Variants in PCDHGA6 observed in about 807,000 individuals in gnomAD.
PCDHGA6 encodes the protein protocadherin gamma subfamily A, 6.
A neutral mutation model predicts 60.6 loss-of-function variants in PCDHGA6; 41 were observed. The observed-to-expected ratio is 0.68, with a 90% CI of 0.53 to 0.88. PCDHGA6 has a LOEUF of 0.88. Among genes scored for constraint, PCDHGA6 ranks in the 40% least tolerant of loss-of-function variants. PCDHGA6 has a pLI of 0.00. For synonymous variants in PCDHGA6, 594 were observed against 524.4 expected (o/e 1.13, Z -1.81); for missense variants, 1,312 against 1,203.0 (o/e 1.09, Z -1.34).
chr5:141,422,907 G>C (rs1330364637), intron 1 of PCDHGA6: 4 of 1,614,078 alleles, frequency 2.5e-6, no homozygotes, highest in Non-Finnish European at 3.4e-6. Flanking sequence ...ACGACAATGC[G>C]CCCGAGATCC....
At chr5:141,389,896 C>T (rs1398944326) in intron 1 of PCDHGA6, 1 of 1,614,076 alleles carries the variant, frequency 6.2e-7, no homozygotes, top group Non-Finnish European at 8.5e-7. Flanking sequence ...GAGGTGCTGC[C>T]GGATATCACT....
intron 1 of PCDHGA6, chr5:141,423,674 C>A (rs57195665): frequency 0.087 from 131,432 of 1,514,090 alleles, 6,254 homozygotes; most frequent in East Asian, 0.14. Flanking sequence ...AGATTTATTT[C>A]TCTGCCTCCT....
intron 1 of PCDHGA6, chr5:141,382,716 C>G (rs11575956): frequency 0.036 from 17,699 of 487,890 alleles, 411 homozygotes; most frequent in Middle Eastern, 0.065. Flanking sequence ...CAGAAACCAC[C>G]GAGTTTTACA....
chr5:141,500,345 A>G (rs1459262760), intron 2 of PCDHGA6, among the ~76,000 whole-genome samples: 3 of 151,916 alleles, frequency 2.0e-5, no homozygotes, highest in Non-Finnish European at 4.4e-5. Context: ...AATAGCTGGG[A>G]CTACAGGCGC....
rs576983336 is a variant in PCDHGA6, at chr5:141,489,165, G to A, written c.2425-5642G>A. 5.8e-4 allele frequency: 625 copies of A among 1,082,080 alleles called. 8 individuals are homozygous for A. The South Asian group carries it at 7.9e-3, about 14-fold the overall frequency. The allele number at this position is 1,082,080 out of a possible 1,614,324, so 67.0% of individuals were successfully genotyped here. On this transcript the variant is annotated intron_variant, in intron 1 of 3. Transcript: ENST00000517434. The surrounding 1 kb of genome is among the most constrained non-coding windows in gnomAD (Gnocchi z 4.5). ...GAAGGAGACATAAGAGACTTCAGCT[G>A]CTGCATTCCAAGCCCTGGGTCTACC...
Position 141,470,128 on chromosome 5 carries a change from CA to C in PCDHGA6, c.2425-24670del, listed in dbSNP as rs200356364. Among the ~76,000 whole-genome samples, 62 of 150,148 alleles carry C rather than the reference CA, an allele frequency of 4.1e-4. 1 individual carries two copies. Among genetic ancestry groups the C allele is most frequent in the Middle Eastern group, 3.4e-3 (1 of 294 alleles). On this transcript the variant is annotated intron_variant, in intron 1 of 3. Coordinates refer to ENST00000517434, the MANE Select transcript of PCDHGA6 (RefSeq NM_018919.3). ...TGAGCAACAGAGCAAGACTTCGTCTCAAAAAAAAAGATCATAGATCATCTTA... is the reference window on the plus strand; with the variant it reads ...TGAGCAACAGAGCAAGACTTCGTCTCAAAAAAAAGATCATAGATCATCTTA...
chr5:141,510,229 C>T (rs904367594), intron 3 of PCDHGA6, among the ~76,000 whole-genome samples: 3 of 150,486 alleles, frequency 2.0e-5, no homozygotes, highest in African/African-American at 7.4e-5. Context: ...GCCGGGATCG[C>T]GCCACTGCAC....
At position 141,487,425 on chromosome 5, in the gene PCDHGA6, G is replaced by A. The variant is rs116499036; in HGVS notation, c.2425-7382G>A. ...CTTCCCCCTTCCAATGGGATCCTCCGAATCCAGCTAGGGTCAGATGACCCT... is the reference window on the plus strand; with the variant it reads ...CTTCCCCCTTCCAATGGGATCCTCCAAATCCAGCTAGGGTCAGATGACCCT... On this transcript the variant is annotated intron_variant, in intron 1 of 3. Coordinates refer to ENST00000517434, the MANE Select transcript of PCDHGA6 (RefSeq NM_018919.3). This position sits in a 1 kb window ranked among gnomAD's most constrained non-coding sequence, Gnocchi z 5.0. The A allele has an allele frequency of 1.1e-5, 17 of 1,613,988 alleles. No individual in the cohort carries two copies. The highest frequency in any genetic ancestry group is 1.6e-4 in the Middle Eastern group (1 of 6,084).
intron 1 of PCDHGA6, chr5:141,478,148 C>A: frequency 6.2e-7 from 1 of 1,614,066 alleles, no homozygotes; most frequent in Non-Finnish European, 8.5e-7. Flanking sequence ...AGCCGAGTTC[C>A]CCTCTGGCTC....
intron 1 of PCDHGA6, among the ~76,000 whole-genome samples, chr5:141,396,987 T>C (rs2093462210): frequency 6.6e-6 from 1 of 152,232 alleles, no homozygotes; most frequent in Admixed American, 6.5e-5. Context: ...GCTAGTTGTT[T>C]TTATTAATCT....
At chr5:141,436,331 T>A (rs919524287) in intron 1 of PCDHGA6, among the ~76,000 whole-genome samples, 1 of 152,198 alleles carries the variant, frequency 6.6e-6, no homozygotes, top group Non-Finnish European at 1.5e-5. Flanking sequence ...TTAGACCATA[T>A]CTCAAATATC....
At chr5:141,505,239 G>A (rs2099844708) in intron 2 of PCDHGA6, 154 bp from the exon 3 acceptor site, 1 of 886,092 alleles carries the variant, frequency 1.1e-6, no homozygotes, top group Middle Eastern at 5.9e-4. Context: ...GCTTCTGAAG[G>A]ATTGTAGAAG....
In PCDHGA6 at chr5:141,487,086, TCCCACCACAGAAG is replaced by T. The variant is rs2099639456; in HGVS notation, c.2425-7719_2425-7707del. 6.2e-7 allele frequency: 1 copy of T among 1,613,822 alleles called. No homozygotes were observed. ...ACGGCTGTTCCTATCCCAGCTGACC[TCCCACCACAGAAG>T]CTGGTCATTGTGGTAAAGGATAGTG... On this transcript the variant is annotated intron_variant, in intron 1 of 3. Coordinates refer to ENST00000517434, the MANE Select transcript of PCDHGA6 (RefSeq NM_018919.3). The surrounding 1 kb of genome is among the most constrained non-coding windows in gnomAD (Gnocchi z 5.0).
At chr5:141,505,599 G>T in intron 3 of PCDHGA6, 118 bp downstream of exon 3, 1 of 1,555,586 alleles carries the variant, frequency 6.4e-7, no homozygotes, top group Non-Finnish European at 8.7e-7. Context: ...CAGATCTTTC[G>T]GCAGGTCTGA....
intron 1 of PCDHGA6, chr5:141,421,226 C>A (rs368125665): frequency 3.7e-5 from 58 of 1,584,718 alleles, no homozygotes; most frequent in Non-Finnish European, 4.6e-5. Context: ...TTAGAGCCTG[C>A]CATGGCGAAT....
chr5:141,437,622 A>G (rs1007643306), intron 1 of PCDHGA6, among the ~76,000 whole-genome samples: 2 of 152,192 alleles, frequency 1.3e-5, no homozygotes, highest in Non-Finnish European at 2.9e-5. Flanking sequence ...TTATCCCCAT[A>G]TAAGATGTCA....
chr5:141,383,502 C>A (rs1779190099), intron 1 of PCDHGA6: 1 of 1,613,004 alleles, frequency 6.2e-7, no homozygotes, highest in Admixed American at 1.7e-5. Context: ...GGGTGCTGGA[C>A]CGGGAGGAAG....
intron 1 of PCDHGA6, chr5:141,394,262 G>A: frequency 6.2e-7 from 1 of 1,613,952 alleles, no homozygotes; most frequent in Non-Finnish European, 8.5e-7. Flanking sequence ...ACAGCCAGGA[G>A]AATGCCCAGG....
intron 1 of PCDHGA6, chr5:141,405,289 C>G (rs1206637203): frequency 1.7e-5 from 28 of 1,614,070 alleles, no homozygotes; most frequent in Non-Finnish European, 2.4e-5. Context: ...CAGACACACT[C>G]ATCAGCCAGC....
Sources: allele counts gnomAD v4.1 joint callset (sites outside exome capture counted in the v4.1 genomes callset), GRCh38; gene constraint gnomAD v4.1.1; non-coding constraint Gnocchi (gnomAD v3.1); transcripts MANE v1.5; gene names NCBI Gene and HGNC (gene_info 2026-07-23, HGNC 2026-07-21).